SSBP2: variants seen among roughly 807,000 people sequenced by gnomAD.
SSBP2 encodes single stranded DNA binding protein 2.
A neutral mutation model predicts 61.8 loss-of-function variants in SSBP2; 17 were observed. The ratio of observed to expected loss-of-function variants is 0.28; its 90% confidence interval spans 0.19 to 0.41. SSBP2 has a LOEUF of 0.41. Among genes scored for constraint, SSBP2 ranks in the 10% least tolerant of loss-of-function variants. The pLI is 1.00. For synonymous variants in SSBP2, 139 were observed against 141.3 expected, an observed-to-expected ratio of 0.98 and a Z score of 0.12; for missense variants, 310 against 458.7, an observed-to-expected ratio of 0.68 and a Z score of 2.96.
chr5:81,601,502 G>A (rs1462015892), intron 4 of SSBP2, among the ~76,000 whole-genome samples: 1 of 152,086 alleles, frequency 6.6e-6, no homozygotes, highest in Non-Finnish European at 1.5e-5. Context: ...TCAATATCCT[G>A]GTACAGTTAT....
chr5:81,640,347 A>G (rs994720851), intron 2 of SSBP2, among the ~76,000 whole-genome samples: 3 of 152,134 alleles, frequency 2.0e-5, no homozygotes, highest in Admixed American at 2.0e-4. Flanking sequence ...CTCAAAAATA[A>G]TAATATTGAT....
intron 5 of SSBP2, among the ~76,000 whole-genome samples, chr5:81,496,603 C>T (rs1259847186): frequency 2.0e-5 from 3 of 152,182 alleles, no homozygotes; most frequent in African/African-American, 4.8e-5. Flanking sequence ...AAATTGCTCA[C>T]TTGAAGTTTT....
chr5:81,726,616 A>G (rs1178762538), intron 1 of SSBP2, among the ~76,000 whole-genome samples: 5 of 152,252 alleles, frequency 3.3e-5, no homozygotes, highest in Non-Finnish European at 5.9e-5. Flanking sequence ...AGAGAAAATT[A>G]AATTCTATAT....
intron 3 of SSBP2, among the ~76,000 whole-genome samples, chr5:81,631,976 T>C (rs1175831461): frequency 6.6e-6 from 1 of 152,134 alleles, no homozygotes; most frequent in Admixed American, 6.5e-5. Flanking sequence ...ACACACACCA[T>C]GATCATACTG....
chr5:81,562,071 ATT>A (rs879339518), intron 4 of SSBP2, among the ~76,000 whole-genome samples: 3 of 143,678 alleles, frequency 2.1e-5, no homozygotes, highest in Non-Finnish European at 4.6e-5. Context: ...CACTTGGCTA[ATT>A]TTTTTTTTTT....
At chr5:81,592,805 A>C in intron 4 of SSBP2, among the ~76,000 whole-genome samples, 1 of 152,250 alleles carries the variant, frequency 6.6e-6, no homozygotes, top group Non-Finnish European at 1.5e-5. Context: ...AAAAACTAAC[A>C]AACAGAAAGG....
intron 1 of SSBP2, among the ~76,000 whole-genome samples, chr5:81,671,168 G>A (rs1751551695): frequency 6.6e-6 from 1 of 152,106 alleles, no homozygotes; most frequent in African/African-American, 2.4e-5. Context: ...AAAAACCCAG[G>A]ATAATCTTTT....
intron 4 of SSBP2, among the ~76,000 whole-genome samples, chr5:81,554,101 G>A (rs1055154701): frequency 3.9e-5 from 6 of 151,946 alleles, no homozygotes; most frequent in Admixed American, 1.3e-4. Context: ...AACAGATTCC[G>A]GTCTACATTA....
intron 5 of SSBP2, among the ~76,000 whole-genome samples, chr5:81,493,174 T>G (rs997665777): frequency 1.3e-5 from 2 of 151,802 alleles, no homozygotes; most frequent in East Asian, 3.9e-4. Flanking sequence ...TGGTAGAAAT[T>G]TGTTCATTCA....
chr5:81,636,151 A>C (rs1234956939), intron 3 of SSBP2, among the ~76,000 whole-genome samples: 1 of 152,204 alleles, frequency 6.6e-6, no homozygotes, highest in Admixed American at 6.5e-5. Flanking sequence ...GTAAGGACAC[A>C]GTGAAAAGGT....
At chr5:81,594,254 C>T (rs571155754) in intron 4 of SSBP2, among the ~76,000 whole-genome samples, 101 of 152,276 alleles carry the variant, frequency 6.6e-4, no homozygotes, top group South Asian at 1.7e-3. Flanking sequence ...AAGGCCATTA[C>T]ATAATGGTAA....
chr5:81,437,675 C>CT, intron 14 of SSBP2: 7 of 333,012 alleles, frequency 2.1e-5, no homozygotes, highest in East Asian at 5.3e-5. Context: ...AGTTCCCAAT[C>CT]GTTTTTTTTT....
chr5:81,732,885 T>G (rs1756360466), intron 1 of SSBP2, among the ~76,000 whole-genome samples: 1 of 152,238 alleles, frequency 6.6e-6, no homozygotes. Flanking sequence ...GGAAGTCTTG[T>G]GCACTGCTGG....
At chr5:81,644,604 C>G (rs186584159) in intron 2 of SSBP2, among the ~76,000 whole-genome samples, 160 of 152,274 alleles carry the variant, frequency 1.1e-3, no homozygotes, top group African/African-American at 3.6e-3. Flanking sequence ...AATGCCTAAT[C>G]TTTTTGGCTA....
intron 10 of SSBP2, among the ~76,000 whole-genome samples, chr5:81,456,811 T>C (rs1173799805): frequency 6.6e-6 from 1 of 152,204 alleles, no homozygotes; most frequent in East Asian, 1.9e-4. Context: ...CACTTTTATA[T>C]GACAAAATTG....
At chr5:81,614,884 T>C (rs138530178) in intron 4 of SSBP2, among the ~76,000 whole-genome samples, 118 of 152,088 alleles carry the variant, frequency 7.8e-4, no homozygotes, top group African/African-American at 2.7e-3. Flanking sequence ...TAAAAAAAAA[T>C]GCTCAAGCCA....
At chr5:81,445,172 ATATATG>A (rs1284138851) in intron 12 of SSBP2, among the ~76,000 whole-genome samples, 3,539 of 91,766 alleles carry the variant, frequency 0.039, 484 homozygotes, top group Non-Finnish European at 0.046. Flanking sequence ...ATATATATAT[ATATATG>A]TATGTATTTA....
intron 4 of SSBP2, among the ~76,000 whole-genome samples, chr5:81,521,758 T>C (rs1217038148): frequency 1.3e-5 from 2 of 152,022 alleles, no homozygotes; most frequent in African/African-American, 2.4e-5. Flanking sequence ...TTTTTTGTTG[T>C]AATGTTGGAA....
intron 1 of SSBP2, among the ~76,000 whole-genome samples, chr5:81,653,555 C>G (rs907234597): frequency 6.6e-6 from 1 of 152,142 alleles, no homozygotes; most frequent in Non-Finnish European, 1.5e-5. Flanking sequence ...CTAATTTACA[C>G]TCCCACCAAC....
Sources: gnomAD v4.1 joint callset for allele counts (sites outside exome capture counted in the v4.1 genomes callset) on GRCh38, gnomAD v4.1.1 for gene constraint, MANE v1.5 for transcripts, NCBI Gene and HGNC (gene_info 2026-07-23, HGNC 2026-07-21) for gene names.